The following SPIN1 variants were observed in gnomAD, a reference collection of about 807,000 sequenced individuals.
SPIN1 encodes spindlin-1.
In SPIN1, 3 loss-of-function variants were observed where a neutral mutation model predicts 26.0. The observed-to-expected ratio is 0.12, with a 90% CI of 0.05 to 0.30. The LOEUF is 0.30. Among genes scored for constraint, SPIN1 ranks in the 10% least tolerant of loss-of-function variants. SPIN1 has a pLI of 1.00. For synonymous variants in SPIN1, 101 were observed against 116.5 expected, an observed-to-expected ratio of 0.87 and a Z score of 0.86; for missense variants, 126 against 333.4, an observed-to-expected ratio of 0.38 and a Z score of 4.84.
At chr9:88,457,831 G>T (rs1011710860) in intron 3 of SPIN1, 42 of 981,968 alleles carry the variant, frequency 4.3e-5, no homozygotes, top group Non-Finnish European at 5.0e-5. Flanking sequence ...AAAAAAATGT[G>T]AAAATACTAC....
intron 2 of SPIN1, among the ~76,000 whole-genome samples, chr9:88,431,276 C>T (rs919966745): frequency 4.0e-5 from 6 of 149,820 alleles, no homozygotes; most frequent in African/African-American, 1.2e-4. Flanking sequence ...ACAAATATTT[C>T]TCTCTCTCTC....
intron 2 of SPIN1, among the ~76,000 whole-genome samples, chr9:88,435,368 C>T (rs921368753): frequency 6.6e-6 from 1 of 152,018 alleles, no homozygotes; most frequent in African/African-American, 2.4e-5. Context: ...GCATGCACCA[C>T]CACACCCGGC....
At chr9:88,404,920 A>G (rs1329619898) in intron 1 of SPIN1, among the ~76,000 whole-genome samples, 1 of 97,602 alleles carries the variant, frequency 1.0e-5, no homozygotes, top group Non-Finnish European at 1.9e-5. Flanking sequence ...CGTCTCAAAA[A>G]AAAAAAAAAC....
intron 3 of SPIN1, among the ~76,000 whole-genome samples, chr9:88,451,492 G>T (rs1828352065): frequency 6.6e-6 from 1 of 152,142 alleles, no homozygotes; most frequent in Non-Finnish European, 1.5e-5. Context: ...GAAACTGGTG[G>T]ATACACCTTT....
At chr9:88,436,754 C>CTTTTTTTTTTTT (rs776223657) in intron 2 of SPIN1, among the ~76,000 whole-genome samples, 2 of 98,794 alleles carry the variant, frequency 2.0e-5, no homozygotes, top group Non-Finnish European at 4.1e-5. Flanking sequence ...TCCTCTGTGT[C>CTTTTTTTTTTTT]TTTTTTTTTT....
intron 2 of SPIN1, among the ~76,000 whole-genome samples, chr9:88,448,719 A>G (rs1229261054): frequency 1.3e-5 from 2 of 152,022 alleles, no homozygotes; most frequent in African/African-American, 4.8e-5. Flanking sequence ...ATTTGAGGGG[A>G]TAGAGAACTG....
At chr9:88,398,406 T>G (rs1827113475) in intron 1 of SPIN1, among the ~76,000 whole-genome samples, 1 of 152,078 alleles carries the variant, frequency 6.6e-6, no homozygotes, top group Non-Finnish European at 1.5e-5. Context: ...TGTTTTTGCC[T>G]GTAATTACTT....
At chr9:88,428,330 C>T (rs1537288) in intron 2 of SPIN1, among the ~76,000 whole-genome samples, 28,821 of 152,124 alleles carry the variant, frequency 0.19, 3,657 homozygotes, top group African/African-American at 0.36. Context: ...GCCCTTGCTG[C>T]GTCCCTCCTT....
chr9:88,408,015 C>T (rs1587777742), intron 1 of SPIN1, among the ~76,000 whole-genome samples: 1 of 152,048 alleles, frequency 6.6e-6, no homozygotes, highest in African/African-American at 2.4e-5. Flanking sequence ...GATCTGCCTG[C>T]CTCAGTCTCT....
At chr9:88,436,654 T>C (rs1003456000) in intron 2 of SPIN1, among the ~76,000 whole-genome samples, 7 of 152,184 alleles carry the variant, frequency 4.6e-5, no homozygotes, top group African/African-American at 1.7e-4. Flanking sequence ...TTTTGTCTTT[T>C]CCAGAATAAC....
rs573514935 is a variant in SPIN1, at chr9:88,477,085, T to C, written c.*1808T>C. 2.6e-4 allele frequency: 39 copies of C among 152,332 alleles called. No individual in the cohort carries two copies. The highest frequency in any genetic ancestry group is 9.1e-4 in the African/African-American group (38 of 41,578). The allele number at this position is 152,332 out of a possible 1,614,324, so 9.4% of individuals were successfully genotyped here. A position where few individuals can be genotyped will look rare whatever the true frequency, so the allele number is the denominator to read the frequency against. ...TCACTGTGGGCAGCCAGGGACAAGC[T>C]TCTGAAAGCAGTGTGATACCCAAGT... On this transcript the variant is annotated 3_prime_UTR_variant, in exon 6 of 6. Coordinates refer to ENST00000375859, the MANE Select transcript of SPIN1 (RefSeq NM_006717.3).
chr9:88,427,071 AGT>A (rs1238118867), intron 2 of SPIN1, among the ~76,000 whole-genome samples: 1 of 152,220 alleles, frequency 6.6e-6, no homozygotes, highest in African/African-American at 2.4e-5. Context: ...AATAGAAGTT[AGT>A]CTTTGCCTGA....
intron 5 of SPIN1, among the ~76,000 whole-genome samples, chr9:88,469,446 G>A (rs941982763): frequency 6.6e-6 from 1 of 152,210 alleles, no homozygotes; most frequent in African/African-American, 2.4e-5. Flanking sequence ...CAACTAGTCT[G>A]TTCACACAGG....
At chr9:88,411,996 C>T (rs1212723973) in intron 1 of SPIN1, among the ~76,000 whole-genome samples, 3 of 151,100 alleles carry the variant, frequency 2.0e-5, no homozygotes, top group Admixed American at 2.0e-4. Context: ...GCGGTGAAAC[C>T]CCGTCTCTAC....
intron 1 of SPIN1, chr9:88,391,881 A>G (rs996681779): frequency 1.3e-5 from 2 of 152,216 alleles, no homozygotes; most frequent in African/African-American, 4.8e-5. Context: ...TTTGGGACCC[A>G]GCGGGAAGTG....
chr9:88,406,345 C>T (rs1827309690), intron 1 of SPIN1, among the ~76,000 whole-genome samples: 1 of 150,294 alleles, frequency 6.7e-6, no homozygotes, highest in Admixed American at 6.7e-5. Context: ...GGCTGAGTTG[C>T]CGTGGCGCAG....
At chr9:88,410,826 G>T in intron 1 of SPIN1, 1 of 932,444 alleles carries the variant, frequency 1.1e-6, no homozygotes, top group Non-Finnish European at 1.7e-6. Flanking sequence ...TACCAGAGTT[G>T]TCATTCCCAC....
intron 3 of SPIN1, among the ~76,000 whole-genome samples, chr9:88,458,152 G>A (rs1035849515): frequency 2.0e-5 from 3 of 152,148 alleles, no homozygotes; most frequent in Admixed American, 1.3e-4. Context: ...CATCATTTGC[G>A]TTAGAAGCTT....
chr9:88,397,602 C>T (rs1827095250), intron 1 of SPIN1, among the ~76,000 whole-genome samples: 1 of 151,642 alleles, frequency 6.6e-6, no homozygotes, highest in Non-Finnish European at 1.5e-5. Context: ...TCATCACCGA[C>T]TCCAACAAGC....
Sources: gnomAD v4.1 joint callset for allele counts (sites outside exome capture counted in the v4.1 genomes callset) on GRCh38, gnomAD v4.1.1 for gene constraint, MANE v1.5 for transcripts, NCBI Gene and HGNC (gene_info 2026-07-23, HGNC 2026-07-21) for gene names.